HPSE2: variants seen among roughly 807,000 people sequenced by gnomAD.
The protein encoded by HPSE2 is heparanase 2 (inactive), also known as inactive heparanase-2.
Under a neutral mutation model 60.5 loss-of-function variants are expected in HPSE2, and 38 were observed. The observed-to-expected ratio is 0.63, with a 90% CI of 0.48 to 0.82. The LOEUF is 0.82. Among genes scored for constraint, HPSE2 ranks in the 40% least tolerant of loss-of-function variants. HPSE2 has a pLI of 0.00. For synonymous variants in HPSE2, 295 were observed against 293.2 expected, an observed-to-expected ratio of 1.01 and a Z score of -0.06; for missense variants, 713 against 740.4, an observed-to-expected ratio of 0.96 and a Z score of 0.43.
At chr10:98,555,417 G>A (rs1011087156) in intron 9 of HPSE2, among the ~76,000 whole-genome samples, 8 of 152,136 alleles carry the variant, frequency 5.3e-5, no homozygotes, top group Non-Finnish European at 1.2e-4. Flanking sequence ...TCTCCCCTCT[G>A]AGGGCTGTTT....
chr10:98,559,729 A>G (rs2133870674), intron 9 of HPSE2, among the ~76,000 whole-genome samples: 1 of 152,376 alleles, frequency 6.6e-6, no homozygotes, highest in Non-Finnish European at 1.5e-5. Context: ...AAGTAAAGAC[A>G]GCCTGGGAGA....
chr10:99,266,562 C>T, the HPSE2 span, among the ~76,000 whole-genome samples: 193 of 152,210 alleles, frequency 1.3e-3, no homozygotes, highest in Non-Finnish European at 1.0e-3. Context: ...TCTCTACTCA[C>T]CCTTGTAGCT....
At chr10:98,895,232 G>T (rs891417742) in intron 3 of HPSE2, among the ~76,000 whole-genome samples, 1 of 152,018 alleles carries the variant, frequency 6.6e-6, no homozygotes, top group Non-Finnish European at 1.5e-5. Context: ...TCATACATAT[G>T]ATTTTTTCAG....
At chr10:98,468,059 G>A (rs10883107) in intron 11 of HPSE2, among the ~76,000 whole-genome samples, 22,325 of 152,286 alleles carry the variant, frequency 0.15, 1,749 homozygotes, top group Non-Finnish European at 0.17. Context: ...GCAGGCTCCC[G>A]GCCCCCTCGC....
intron 3 of HPSE2, among the ~76,000 whole-genome samples, chr10:98,771,503 C>T (rs181828307): frequency 6.6e-6 from 1 of 152,316 alleles, no homozygotes; most frequent in Non-Finnish European, 1.5e-5. Context: ...GCCACTCCCA[C>T]CTCCTCTCCT....
At chr10:99,043,596 A>G (rs1001353360) in intron 3 of HPSE2, among the ~76,000 whole-genome samples, 1 of 152,238 alleles carries the variant, frequency 6.6e-6, no homozygotes, top group African/African-American at 2.4e-5. Context: ...ATTCAGGAGA[A>G]AGTTGAAACC....
chr10:99,261,514 A>T, the HPSE2 span, among the ~76,000 whole-genome samples: 211 of 152,298 alleles, frequency 1.4e-3, 1 homozygote, highest in East Asian at 0.013. Flanking sequence ...TTTTCACCAA[A>T]TATAAAAACC....
chr10:98,549,673 C>T (rs1943801789), intron 9 of HPSE2, among the ~76,000 whole-genome samples: 1 of 152,154 alleles, frequency 6.6e-6, no homozygotes, highest in South Asian at 2.1e-4. Context: ...AGACTTCCAT[C>T]TACCAAATAT....
intron 7 of HPSE2, among the ~76,000 whole-genome samples, chr10:98,631,858 C>T (rs999597856): frequency 1.3e-5 from 2 of 152,290 alleles, no homozygotes; most frequent in South Asian, 2.1e-4. Flanking sequence ...TGATACTCAA[C>T]TTCATTCATT....
rs73341709 is a variant in HPSE2 at position 98,642,052 on chromosome 10, G to A, written c.1005-112C>T. 817 of 870,958 alleles carry A rather than the reference G, an allele frequency of 9.4e-4. 5 individuals are homozygous for A. The African/African-American group carries it at 0.011, about 12-fold the overall frequency. The allele number at this position is 870,958 out of a possible 1,614,324, so 54.0% of individuals were successfully genotyped here. A position where few individuals can be genotyped will look rare whatever the true frequency, so the allele number is the denominator to read the frequency against. On this transcript the variant is annotated intron_variant, in intron 6 of 11. Transcript: ENST00000370552. ...GAGGAAACAAACCAGGGTTCCACTC[G>A]GGCTCTCATATTCTAAAAGGTTTTG...
At chr10:99,000,981 G>T (rs1215618788) in intron 3 of HPSE2, among the ~76,000 whole-genome samples, 1 of 152,038 alleles carries the variant, frequency 6.6e-6, no homozygotes, top group Non-Finnish European at 1.5e-5. Flanking sequence ...ATGAGTAATA[G>T]ACTTGTCCAC....
intron 3 of HPSE2, among the ~76,000 whole-genome samples, chr10:99,026,808 G>A (rs1432483851): frequency 1.3e-5 from 2 of 151,970 alleles, no homozygotes; most frequent in African/African-American, 4.8e-5. Context: ...AGAAATTAAG[G>A]AGAAGAATAA....
At chr10:98,668,831 A>G (rs1053713762) in intron 6 of HPSE2, among the ~76,000 whole-genome samples, 1 of 152,172 alleles carries the variant, frequency 6.6e-6, no homozygotes, top group African/African-American at 2.4e-5. Flanking sequence ...ACCCTTCTCC[A>G]TATGGTTTTG....
chr10:98,735,990 T>C (rs116556645), intron 4 of HPSE2, among the ~76,000 whole-genome samples: 2,287 of 152,224 alleles, frequency 0.015, 31 homozygotes, highest in African/African-American at 0.03. Context: ...AATGAGGACA[T>C]GAGGTTTGGG....
chr10:99,064,731 CAA>C (rs199819713), intron 3 of HPSE2, among the ~76,000 whole-genome samples: 2 of 142,210 alleles, frequency 1.4e-5, no homozygotes, highest in African/African-American at 5.2e-5. Context: ...CCTTATCAAC[CAA>C]AAAAAAAAAA....
At chr10:98,633,042 T>C (rs1031262238) in intron 7 of HPSE2, among the ~76,000 whole-genome samples, 5 of 152,134 alleles carry the variant, frequency 3.3e-5, no homozygotes, top group African/African-American at 1.2e-4. Context: ...GCCTCTGCCA[T>C]TCCTGAGACA....
chr10:98,685,666 GC>G (rs1191521017), intron 6 of HPSE2, among the ~76,000 whole-genome samples: 1 of 152,014 alleles, frequency 6.6e-6, no homozygotes, highest in Non-Finnish European at 1.5e-5. Flanking sequence ...GAACACCTGG[GC>G]TTTTACAAAT....
At chr10:99,014,066 G>A (rs919294200) in intron 3 of HPSE2, 3 of 183,034 alleles carry the variant, frequency 1.6e-5, no homozygotes, top group African/African-American at 4.8e-5. Flanking sequence ...AGCTGCTCCC[G>A]CCCTGGTTGC....
chr10:99,312,233 C>T, the HPSE2 span, among the ~76,000 whole-genome samples: 2 of 152,196 alleles, frequency 1.3e-5, no homozygotes, highest in African/African-American at 4.8e-5. Flanking sequence ...CTACACTAAT[C>T]GACAGATTTT....
Sources: gnomAD v4.1 joint callset for allele counts (sites outside exome capture counted in the v4.1 genomes callset) on GRCh38, gnomAD v4.1.1 for gene constraint, MANE v1.5 for transcripts, NCBI Gene and HGNC (gene_info 2026-07-23, HGNC 2026-07-21) for gene names.